Variants in ASH1L observed in about 807,000 individuals in gnomAD.
ASH1L encodes the protein histone-lysine N-methyltransferase ASH1L.
Under a neutral mutation model 269.0 loss-of-function variants are expected in ASH1L, and 23 were observed. The observed-to-expected ratio is 0.09, with a 90% CI of 0.06 to 0.12. ASH1L has a LOEUF of 0.12. Among genes scored for constraint, ASH1L ranks in the 10% least tolerant of loss-of-function variants. The pLI is 1.00. For missense variants in ASH1L, 2,912 were observed against 3,567.8 expected, an observed-to-expected ratio of 0.82 and a Z score of 4.68; for synonymous variants, 1,187 against 1,253.5, an observed-to-expected ratio of 0.95 and a Z score of 1.12.
intron 5 of ASH1L, among the ~76,000 whole-genome samples, chr1:155,428,740 G>A (rs1416856058): frequency 4.6e-5 from 7 of 152,034 alleles, no homozygotes; most frequent in Non-Finnish European, 8.8e-5. Flanking sequence ...CCTTTATTTC[G>A]GCCCATCCCT....
At chr1:155,459,322 A>C (rs968642653) in intron 4 of ASH1L, among the ~76,000 whole-genome samples, 6 of 151,986 alleles carry the variant, frequency 3.9e-5, no homozygotes, top group Admixed American at 3.9e-4. Context: ...CAGCCTCCCA[A>C]GTAGCTGGGA....
intron 5 of ASH1L, among the ~76,000 whole-genome samples, chr1:155,421,606 G>T (rs953695574): frequency 6.6e-6 from 1 of 151,464 alleles, no homozygotes; most frequent in Non-Finnish European, 1.5e-5. Flanking sequence ...GGGAGGCAGA[G>T]GTTGCAGTGA....
chr1:155,337,931 A>G (rs1203495301), intron 27 of ASH1L, among the ~76,000 whole-genome samples, 158 bp downstream of exon 27: 1 of 152,202 alleles, frequency 6.6e-6, no homozygotes, highest in Non-Finnish European at 1.5e-5. Context: ...CTCACCTTCC[A>G]GTTTCACTAC....
At chr1:155,368,791 C>T (rs1223336816) in intron 12 of ASH1L, among the ~76,000 whole-genome samples, 1 of 152,172 alleles carries the variant, frequency 6.6e-6, no homozygotes, top group African/African-American at 2.4e-5. Flanking sequence ...TTTCATCTAA[C>T]TTTTCAAATA....
intron 3 of ASH1L, among the ~76,000 whole-genome samples, chr1:155,466,120 C>T (rs1338979065): frequency 3.3e-5 from 5 of 152,138 alleles, no homozygotes; most frequent in South Asian, 4.2e-4. Flanking sequence ...TTTGGAAGGC[C>T]GAGGCAGGCA....
intron 2 of ASH1L, among the ~76,000 whole-genome samples, chr1:155,517,598 A>C (rs1026851392): frequency 6.6e-6 from 1 of 151,820 alleles, no homozygotes; most frequent in Non-Finnish European, 1.5e-5. Context: ...AGCCGAGATC[A>C]TGCCACTGTA....
At chr1:155,341,323 C>T (rs1652780921) in intron 25 of ASH1L, among the ~76,000 whole-genome samples, 1 of 152,074 alleles carries the variant, frequency 6.6e-6, no homozygotes, top group South Asian at 2.1e-4. Flanking sequence ...ACCACAGGCA[C>T]CTGCCACCAC....
In ASH1L at chr1:155,339,311, C is replaced by T. The variant is rs945348235; in HGVS notation, c.8501+17G>A. The T allele has an allele frequency of 3.7e-6, 6 of 1,610,584 alleles. No individual in the cohort carries two copies. In the Admixed American group the frequency reaches 1.0e-4, roughly 27 times the overall value. ...AGTCAATCCCTTAGGATCCTCATAT[C>T]CCCCCATGGGACTTACCGTCCTCCA... On this transcript the variant is annotated intron_variant, in intron 26 of 27. Transcript: ENST00000392403.
chr1:155,409,721 C>T (rs953120951), intron 6 of ASH1L, among the ~76,000 whole-genome samples: 1 of 152,138 alleles, frequency 6.6e-6, no homozygotes, highest in Non-Finnish European at 1.5e-5. Flanking sequence ...CAGCCTCAGC[C>T]TCCCAAAATG....
chr1:155,373,232 A>C (rs980378574), intron 10 of ASH1L, among the ~76,000 whole-genome samples: 12 of 151,012 alleles, frequency 7.9e-5, no homozygotes, highest in African/African-American at 1.7e-4. Flanking sequence ...CAAAAAAAAA[A>C]CAAAAAAAAA....
intron 2 of ASH1L, among the ~76,000 whole-genome samples, chr1:155,483,611 A>G (rs1239630420): frequency 6.7e-6 from 1 of 148,584 alleles, no homozygotes; most frequent in Non-Finnish European, 1.5e-5. Context: ...GCATTTAACT[A>G]CATCCTTTGA....
chr1:155,522,960 G>C (rs1355968964), intron 1 of ASH1L, among the ~76,000 whole-genome samples: 11 of 152,104 alleles, frequency 7.2e-5, no homozygotes, highest in Non-Finnish European at 4.4e-5. Context: ...CAAAGTGCTG[G>C]GATTACAGGT....
chr1:155,527,137 G>A (rs949393055), intron 1 of ASH1L, among the ~76,000 whole-genome samples: 1 of 152,084 alleles, frequency 6.6e-6, no homozygotes, highest in African/African-American at 2.4e-5. Flanking sequence ...GAACCCGGGA[G>A]GCAGAGGTTG....
intron 26 of ASH1L, among the ~76,000 whole-genome samples, chr1:155,338,660 A>C (rs1332365638): frequency 1.3e-5 from 2 of 152,234 alleles, no homozygotes; most frequent in East Asian, 3.8e-4. Context: ...AGGGCTAATA[A>C]AATTGCTTAG....
At chr1:155,536,784 T>C (rs373837683) in intron 1 of ASH1L, among the ~76,000 whole-genome samples, 1 of 151,944 alleles carries the variant, frequency 6.6e-6, no homozygotes, top group African/African-American at 2.4e-5. Context: ...GGCTCATGCC[T>C]GTAATCCCAG....
At chr1:155,433,581 A>G in intron 5 of ASH1L, 1 of 1,610,932 alleles carries the variant, frequency 6.2e-7, no homozygotes, top group Non-Finnish European at 8.5e-7. Flanking sequence ...CAAAACCCGC[A>G]GGAGTCCCAG....
intron 4 of ASH1L, among the ~76,000 whole-genome samples, chr1:155,445,589 G>A (rs764428923): frequency 7.9e-5 from 12 of 151,972 alleles, no homozygotes; most frequent in Non-Finnish European, 1.3e-4. Context: ...AGTGGCCTCC[G>A]AAAGTGCTGC....
intron 15 of ASH1L, 33 bp from the exon 16 acceptor site, chr1:155,354,663 C>A: frequency 6.3e-7 from 1 of 1,594,070 alleles, no homozygotes; most frequent in Non-Finnish European, 8.5e-7. Flanking sequence ...TTCCTTTATT[C>A]ATTAATTAAA....
At chr1:155,515,609 C>T (rs1434986187) in intron 2 of ASH1L, among the ~76,000 whole-genome samples, 1 of 152,026 alleles carries the variant, frequency 6.6e-6, no homozygotes, top group Non-Finnish European at 1.5e-5. Context: ...AGGCGAATCA[C>T]CTGAGGTCAG....
Sources: gnomAD v4.1 joint callset for allele counts (sites outside exome capture counted in the v4.1 genomes callset) on GRCh38, gnomAD v4.1.1 for gene constraint, MANE v1.5 for transcripts, NCBI Gene and HGNC (gene_info 2026-07-23, HGNC 2026-07-21) for gene names.